The following ANAPC1 variants were observed in gnomAD, a reference collection of about 807,000 sequenced individuals.
ANAPC1 encodes the protein anaphase promoting complex subunit 1.
A neutral mutation model predicts 208.0 loss-of-function variants in ANAPC1; 36 were observed. The observed-to-expected ratio is 0.17, with a 90% CI of 0.13 to 0.23. ANAPC1 has a LOEUF of 0.23. ANAPC1 is among the 10% of genes least tolerant of loss of function. The pLI, the probability that ANAPC1 is intolerant of heterozygous loss-of-function variation, is 1.00. For synonymous variants in ANAPC1, 378 were observed against 695.2 expected (o/e 0.54, Z 7.18); for missense variants, 942 against 2,011.6 (o/e 0.47, Z 10.17).
intron 11 of ANAPC1, 193 bp from the exon 12 acceptor site, chr2:111,857,079 G>A (rs1681769726): frequency 3.7e-6 from 2 of 539,304 alleles, no homozygotes; most frequent in African/African-American, 3.8e-5. Flanking sequence ...AATGGTGTAT[G>A]TGACTATAAG....
chr2:111,831,622 G>A (rs373758279), intron 20 of ANAPC1, among the ~76,000 whole-genome samples, 188 bp from the exon 21 acceptor site: 30 of 151,938 alleles, frequency 2.0e-4, no homozygotes, highest in Non-Finnish European at 2.8e-4. Context: ...GGTGGATCAC[G>A]AGGTCAGGAG....
intron 17 of ANAPC1, among the ~76,000 whole-genome samples, chr2:111,840,106 C>T (rs1680680660): frequency 2.0e-5 from 3 of 152,182 alleles, no homozygotes; most frequent in Admixed American, 1.3e-4. Flanking sequence ...AAAACAGCAG[C>T]CCGGAAGCCA....
At chr2:111,835,562 G>A (rs7590277) in intron 18 of ANAPC1, among the ~76,000 whole-genome samples, 5,111 of 152,260 alleles carry the variant, frequency 0.034, 185 homozygotes, top group African/African-American at 0.084. Context: ...AACTGGGCCG[G>A]GTGCAGTGGC....
intron 6 of ANAPC1, among the ~76,000 whole-genome samples, chr2:111,872,343 A>C (rs1023113916): frequency 3.9e-5 from 6 of 152,200 alleles, no homozygotes; most frequent in African/African-American, 1.4e-4. Context: ...TGATCATGAC[A>C]TATCTTTTTG....
chr2:111,851,906 C>G (rs1399230070), intron 13 of ANAPC1, among the ~76,000 whole-genome samples: 1 of 151,810 alleles, frequency 6.6e-6, no homozygotes, highest in Non-Finnish European at 1.5e-5. Context: ...CACATCTGTA[C>G]AAGCTGAAAA....
At chr2:111,832,580 A>G (rs1226882981) in intron 20 of ANAPC1, among the ~76,000 whole-genome samples, 1 of 152,106 alleles carries the variant, frequency 6.6e-6, no homozygotes, top group Non-Finnish European at 1.5e-5. Context: ...ATTTTAATTG[A>G]ATTTAAGTAG....
chr2:111,856,964 A>G, intron 11 of ANAPC1, 78 bp from the exon 12 acceptor site: 1 of 1,147,246 alleles, frequency 8.7e-7, no homozygotes, highest in Non-Finnish European at 1.3e-6. Flanking sequence ...CTGAACAGAA[A>G]AAGACAATCT....
chr2:111,856,850 C>G lies in ANAPC1; in HGVS notation c.1395G>C (p.Gln465His). 1.2e-6 allele frequency: 2 copies of G among 1,612,340 alleles called. No individual in the cohort carries two copies. Residue 465 changes from glutamine to histidine, a missense_variant, in exon 12 of 48, where the codon CAG becomes CAC. By Grantham distance (24) the Gln-to-His change is conservative. Transcript: ENST00000341068. ...TGTTGGTCACTGAACCAAAGATGAG[C>G]TGGGTTTTATCATTACTCTCTTGAA... ...VKFQESNDKT[Q>H]LIFGSVTNIP...
chr2:111,873,379 T>C lies in ANAPC1; in HGVS notation c.457A>G (p.Ile153Val), dbSNP rs1195628180. Residue 153 changes from isoleucine to valine, a missense_variant, in exon 5 of 48, where the codon ATA becomes GTA. By Grantham distance (29) the Ile-to-Val change is conservative. Coordinates refer to ENST00000341068, the MANE Select transcript of ANAPC1 (RefSeq NM_022662.4). ...ATGTTAATACATGAGCTTTGCAATA[T>C]ACATATGCATTTTTCTACTTCATTG... Reference protein sequence around the residue: ...SSNEVEKCICILQSSCINMHS... With the variant: ...SSNEVEKCICVLQSSCINMHS... 1 of 1,605,092 alleles carries C rather than the reference T, an allele frequency of 6.2e-7. No individual in the cohort carries two copies.
At chr2:111,789,813 A>G (rs533665465) in intron 38 of ANAPC1, among the ~76,000 whole-genome samples, 123 of 152,380 alleles carry the variant, frequency 8.1e-4, no homozygotes, top group African/African-American at 2.7e-3. Context: ...ATTCGATACG[A>G]AAGAAGAGCG....
At chr2:111,841,821 A>G (rs1680781356) in intron 17 of ANAPC1, among the ~76,000 whole-genome samples, 1 of 151,916 alleles carries the variant, frequency 6.6e-6, no homozygotes, top group Admixed American at 6.5e-5. Flanking sequence ...AAAAATAAGA[A>G]CTATAAATAA....
chr2:111,849,798 G>T (rs543212379), intron 14 of ANAPC1, among the ~76,000 whole-genome samples: 2 of 151,356 alleles, frequency 1.3e-5, no homozygotes, highest in African/African-American at 4.9e-5. Context: ...GAGGCTAACC[G>T]GTCTCCTTAT....
intron 34 of ANAPC1, among the ~76,000 whole-genome samples, chr2:111,799,474 C>G (rs1448983723): frequency 1.3e-5 from 2 of 152,008 alleles, no homozygotes; most frequent in African/African-American, 4.8e-5. Context: ...ATGGAATACA[C>G]AAGTTGAGGA....
At chr2:111,843,820 C>CTTTTTTTTTTTTTT (rs369036574) in intron 16 of ANAPC1, among the ~76,000 whole-genome samples, 1 of 86,828 alleles carries the variant, frequency 1.2e-5, no homozygotes, top group African/African-American at 4.6e-5. Flanking sequence ...CTGAAGACAG[C>CTTTTTTTTTTTTTT]TTTTTTTTTT....
At chr2:111,789,564 T>A (rs1432061073) in intron 38 of ANAPC1, among the ~76,000 whole-genome samples, 2 of 146,054 alleles carry the variant, frequency 1.4e-5, no homozygotes, top group African/African-American at 5.1e-5. Context: ...AAGAAGAGAT[T>A]TCAAAATTTA....
chr2:111,840,031 G>GTA (rs1680676908), intron 17 of ANAPC1, among the ~76,000 whole-genome samples: 1 of 152,088 alleles, frequency 6.6e-6, no homozygotes. Context: ...TTTGTCTGGG[G>GTA]TATATGTGAG....
At chr2:111,861,524 A>G (rs530588475) in intron 10 of ANAPC1, among the ~76,000 whole-genome samples, 1 of 150,212 alleles carries the variant, frequency 6.7e-6, no homozygotes, top group African/African-American at 2.4e-5. Flanking sequence ...TGCCTAGCGA[A>G]TACCTATTCG....
intron 13 of ANAPC1, among the ~76,000 whole-genome samples, chr2:111,853,038 A>G (rs925344050): frequency 1.3e-5 from 2 of 152,206 alleles, no homozygotes; most frequent in African/African-American, 4.8e-5. Context: ...GACATGAACA[A>G]CATTATCAAC....
intron 21 of ANAPC1, among the ~76,000 whole-genome samples, chr2:111,829,113 C>T (rs1180946470): frequency 1.3e-5 from 2 of 152,146 alleles, no homozygotes; most frequent in Admixed American, 1.3e-4. Flanking sequence ...ACTCGGGAGG[C>T]TGAGGCAGGA....
Sources: gnomAD v4.1 joint callset for allele counts (sites outside exome capture counted in the v4.1 genomes callset) on GRCh38, gnomAD v4.1.1 for gene constraint, MANE v1.5 for transcripts, NCBI Gene and HGNC (gene_info 2026-07-23, HGNC 2026-07-21) for gene names.